ESPL1: variants seen among roughly 807,000 people sequenced by gnomAD.
ESPL1 encodes the protein separin.
Under a neutral mutation model 217.2 loss-of-function variants are expected in ESPL1, and 50 were observed. The ratio of observed to expected loss-of-function variants is 0.23; its 90% CI spans 0.18 to 0.29. The LOEUF (loss-of-function observed/expected upper bound fraction) is 0.29, where lower values mean the gene tolerates loss of function less well. ESPL1 is among the 10% of genes least tolerant of loss of function. The probability of loss-of-function intolerance (pLI) is 1.00; values close to 1 mark genes in which losing one functional copy is unlikely to be tolerated. For synonymous variants in ESPL1, 994 were observed against 1,081.3 expected (o/e 0.92, Z 1.58); for missense variants, 1,834 against 2,603.0 (o/e 0.70, Z 6.43).
In ESPL1 at chr12:53,286,645, T is replaced by C. The variant is rs1314071300; in HGVS notation, c.3909T>C (p.Pro1303=). The change falls in exon 18 of 31, where the codon CCT becomes CCC. Residue 1303 remains proline (P), a synonymous_variant. Coordinates refer to ENST00000257934, the MANE Select transcript of ESPL1 (RefSeq NM_012291.5). The surrounding 1 kb of genome is among the most constrained non-coding windows in gnomAD (Gnocchi z 5.3). ...AGCCACCATTAATAAAAAGTGTCCC[T>C]GGCTCAGAGCCCTCTAAGACTCAGG... ...GWQPPLIKSV[P]GSEPSKTQGQ... is the part of the protein sequence containing the mutation. 1 of 1,614,168 alleles carries C rather than the reference T, an allele frequency of 6.2e-7. No homozygotes were observed. The highest frequency in any genetic ancestry group is 8.5e-7 in the Non-Finnish European group (1 of 1,180,040).
intron 19 of ESPL1, 95 bp from the exon 20 acceptor site, chr12:53,288,443 C>A: frequency 1.3e-6 from 2 of 1,532,034 alleles, no homozygotes; most frequent in Non-Finnish European, 1.8e-6. Context: ...GAAGAATGTT[C>A]TTTTGCTGAC....
chr12:53,268,821 G>T lies in ESPL1; in HGVS notation c.55G>T (p.Ala19Ser). 6.2e-7 allele frequency: 1 copy of T among 1,612,692 alleles called. No individual in the cohort carries two copies. Among genetic ancestry groups the T allele is most frequent in the Non-Finnish European group, 8.5e-7 (1 of 1,179,618 alleles). The stretch of plus-strand genomic sequence containing the variant: ...GACTCTGCTAAGCAGCCAGAAGGAG[G>T]CTGAAGAGTTGCTGCCCGCCTTGAA... ...FGTLLSSQKE[A>S]EELLPALKEF... Residue 19 changes from alanine to serine, a missense_variant, in exon 2 of 31, where the codon GCT becomes TCT. This residue lies in a region of ESPL1 where 746 missense variants were observed against 1,077.0 expected (regional missense o/e 0.69). Coordinates refer to ENST00000257934, the MANE Select transcript of ESPL1 (RefSeq NM_012291.5).
intron 5 of ESPL1, among the ~76,000 whole-genome samples, chr12:53,271,368 C>T (rs1456435421): frequency 6.6e-5 from 10 of 151,546 alleles, no homozygotes; most frequent in East Asian, 2.0e-4. Flanking sequence ...ACTGCAGGCG[C>T]GCACCACTAT....
In ESPL1 at chr12:53,293,493, T is replaced by C. The variant is rs1944099022; in HGVS notation, c.*19T>C. ...GCGGTAACCCCATGGAGCTGTCTTA[T>C]TGATGCTAGAAGCCTCATAACTGTT... On this transcript the variant is annotated 3_prime_UTR_variant, in exon 31 of 31. Coordinates refer to ENST00000257934, the MANE Select transcript of ESPL1 (RefSeq NM_012291.5). This position sits in a 1 kb window ranked among gnomAD's most constrained non-coding sequence, Gnocchi z 4.2. 1.3e-5 allele frequency: 21 copies of C among 1,587,186 alleles called. No individual in the cohort carries two copies. The highest frequency in any genetic ancestry group is 2.2e-5 in the South Asian group (2 of 90,484).
rs144835082 is a variant in ESPL1, at chr12:53,277,867, G to A, written c.2271G>A (p.Leu757=). The A allele has an allele frequency of 4.5e-5, 72 of 1,614,218 alleles. No homozygotes were observed. The African/African-American group carries it at 8.9e-4, about 20-fold the overall frequency. ...LDQALALWKE[L]LTKGQAPAVR... ...AAGCCCTGGCCCTGTGGAAGGAGCT[G>A]CTTACAAAGGGGCAGGCCCCAGCTG... is the stretch of plus-strand genomic sequence containing the variant. The change falls in exon 11 of 31, where the codon CTG becomes CTA. Residue 757 remains leucine (L), a synonymous_variant. Transcript: ENST00000257934.
At chr12:53,281,118 T>C (rs1943853036) in intron 12 of ESPL1, among the ~76,000 whole-genome samples, 1 of 150,020 alleles carries the variant, frequency 6.7e-6, no homozygotes, top group Admixed American at 6.7e-5. Context: ...ATTTTGCTTG[T>C]AAATACTTTA....
At chr12:53,288,895 G>A in intron 20 of ESPL1, 195 bp from the exon 21 acceptor site, 1 of 703,638 alleles carries the variant, frequency 1.4e-6, no homozygotes, top group East Asian at 2.7e-5. Flanking sequence ...CTGTAAAAAT[G>A]GGGTTTAGGG....
intron 18 of ESPL1, 75 bp from the exon 19 acceptor site, chr12:53,287,897 C>T: frequency 6.9e-7 from 1 of 1,450,444 alleles, no homozygotes; most frequent in Admixed American, 2.2e-5. Context: ...GGTGCCTCCA[C>T]TACGCCACCT....
In ESPL1 at chr12:53,286,783, C is replaced by T; in HGVS notation, c.4047C>T (p.Pro1349=). The change falls in exon 18 of 31, where the codon CCC becomes CCT. Residue 1349 remains proline (P), a synonymous_variant. Coordinates refer to ENST00000257934, the MANE Select transcript of ESPL1 (RefSeq NM_012291.5). The surrounding 1 kb of genome is among the most constrained non-coding windows in gnomAD (Gnocchi z 5.3). ...EGRGLPCTPK[P]PDRIRQAGPH... is the part of the protein sequence containing the mutation. Reference sequence around the variant, plus strand: ...GAGGACTGCCCTGCACACCTAAACCCCCAGACCGGATCAGGCAAGCTGGCC... The same window carrying T: ...GAGGACTGCCCTGCACACCTAAACCTCCAGACCGGATCAGGCAAGCTGGCC... 8 of 1,614,160 alleles carry T rather than the reference C, an allele frequency of 5.0e-6. No individual in the cohort carries two copies. Among genetic ancestry groups the T allele is most frequent in the South Asian group, 3.3e-5 (3 of 91,090 alleles).
Position 53,284,179 on chromosome 12 carries a change from T to C in ESPL1, c.3187+12T>C. The C allele has an allele frequency of 6.5e-7, 1 of 1,529,832 alleles. No individual in the cohort carries two copies. Among genetic ancestry groups the C allele is most frequent in the Non-Finnish European group, 9.1e-7 (1 of 1,102,928 alleles). 94.8% of individuals were successfully genotyped at this position (1,529,832 alleles called of 1,614,324 possible). A position where few individuals can be genotyped will look rare whatever the true frequency, so the allele number is the denominator to read the frequency against. ...TGAGTCTTGCACAGGTGAGCAGCCA[T>C]GTCCCCATGACCATAGGCGGTGCTG... On this transcript the variant is annotated intron_variant, in intron 17 of 30. Coordinates refer to ENST00000257934, the MANE Select transcript of ESPL1 (RefSeq NM_012291.5).
rs774976343 is a variant in ESPL1 at position 53,274,964 on chromosome 12, G to A, written c.1654G>A (p.Val552Ile). ...MAEPVTFWVR[V>I]KMDAARAGDK... ...TGAGCCAGTCACTTTCTGGGTTCGG[G>A]TCAAGATGGATGCGGCCAGGGCTGG... Residue 552 changes from valine (V) to isoleucine (I), a missense_variant, in exon 7 of 31, where the codon GTC becomes ATC. By Grantham distance (29) the Val-to-Ile change is conservative. Around this residue, in one of 5 missense-constraint regions of ESPL1, gnomAD observed 746 missense variants for 1,077.0 expected, o/e 0.69. Coordinates refer to ENST00000257934, the MANE Select transcript of ESPL1 (RefSeq NM_012291.5). 5.0e-6 allele frequency: 8 copies of A among 1,584,502 alleles called. No individual in the cohort carries two copies. The highest frequency in any genetic ancestry group is 6.0e-6 in the Non-Finnish European group (7 of 1,166,242).
intron 17 of ESPL1, among the ~76,000 whole-genome samples, chr12:53,285,491 A>G (rs529616051): frequency 1.8e-4 from 28 of 152,228 alleles, no homozygotes; most frequent in Middle Eastern, 3.4e-3. Flanking sequence ...GGCGGATCAC[A>G]AGGTCAGGAG....
chr12:53,276,763 C>A lies in ESPL1; in HGVS notation c.1844C>A (p.Pro615His), dbSNP rs563274512. ...ATCTGTGACCTCCTGGAGCTGAGCC[C>A]CGAGGAGACACCAGCCGGGGCCTGG... is the stretch of plus-strand genomic sequence containing the variant. ...NIICDLLELS[P>H]EETPAGAWAR... is the part of the protein sequence containing the mutation. The change falls in exon 8 of 31, where the codon CCC (proline) becomes CAC (histidine). Residue 615 changes from proline to histidine, a missense_variant. Physicochemically the swap from Pro to His is moderately conservative, Grantham distance 77. Transcript: ENST00000257934. The A allele has an allele frequency of 1.2e-6, 2 of 1,613,782 alleles. No homozygotes were observed. The highest frequency in any genetic ancestry group is 2.2e-5 in the South Asian group (2 of 91,086).
intron 12 of ESPL1, among the ~76,000 whole-genome samples, chr12:53,280,776 C>A (rs1464658335): frequency 1.3e-5 from 2 of 151,910 alleles, no homozygotes; most frequent in African/African-American, 4.8e-5. Context: ...GGCAGATCAC[C>A]TGAGGTCAGG....
intron 7 of ESPL1, among the ~76,000 whole-genome samples, chr12:53,275,539 C>T (rs1943752157): frequency 6.6e-6 from 1 of 152,090 alleles, no homozygotes; most frequent in Admixed American, 6.6e-5. Context: ...ATGGTCATGT[C>T]CTTTCATCTT....
chr12:53,271,409 A>G (rs1943672020), intron 5 of ESPL1, among the ~76,000 whole-genome samples: 1 of 151,710 alleles, frequency 6.6e-6, no homozygotes. Context: ...TTTTGTAGAG[A>G]TGATGTCTGG....
intron 11 of ESPL1, among the ~76,000 whole-genome samples, chr12:53,279,068 A>T (rs1943819980): frequency 6.6e-6 from 1 of 151,940 alleles, no homozygotes; most frequent in Non-Finnish European, 1.5e-5. Context: ...ATTTTGTATT[A>T]TTGGTAGAGA....
chr12:53,282,330 G>A lies in ESPL1; in HGVS notation c.2686G>A (p.Ala896Thr). Residue 896 changes from alanine (A) to threonine (T), a missense_variant, in exon 14 of 31, where the codon GCT becomes ACT. Around this residue, in one of 5 missense-constraint regions of ESPL1, gnomAD observed 5 missense variants for 26.5 expected, o/e 0.19. Coordinates refer to ENST00000257934, the MANE Select transcript of ESPL1 (RefSeq NM_012291.5). This position sits in a 1 kb window ranked among gnomAD's most constrained non-coding sequence, Gnocchi z 4.0. ...TCCTGCCCTCCAGAAGTCCTCCAAG[G>A]CTTGGTACTTGCTGCGTGTCCAGGT... Reference protein sequence around the residue: ...RDPALQKSSKAWYLLRVQVLQ... With the variant: ...RDPALQKSSKTWYLLRVQVLQ... 6.2e-7 allele frequency: 1 copy of A among 1,614,140 alleles called. No homozygotes were observed. Among genetic ancestry groups the A allele is most frequent in the Non-Finnish European group, 8.5e-7 (1 of 1,180,014 alleles).
At chr12:53,270,962 C>A (rs904125923) in intron 5 of ESPL1, among the ~76,000 whole-genome samples, 164 bp downstream of exon 5, 1 of 152,132 alleles carries the variant, frequency 6.6e-6, no homozygotes, top group African/African-American at 2.4e-5. Flanking sequence ...GTGTTTAACA[C>A]CAGTAGAGAA....
Sources: gnomAD v4.1 joint callset for allele counts (sites outside exome capture counted in the v4.1 genomes callset) on GRCh38, gnomAD v4.1.1 for gene constraint, gnomAD v4.1.1 regional missense constraint, Gnocchi (gnomAD v3.1) non-coding constraint, MANE v1.5 for transcripts, NCBI Gene and HGNC (gene_info 2026-07-23, HGNC 2026-07-21) for gene names.